Variants in ARHGEF6 observed in about 807,000 individuals in gnomAD.
The protein encoded by ARHGEF6 is Rac/Cdc42 guanine nucleotide exchange factor 6, also known as rho guanine nucleotide exchange factor 6.
Under a neutral mutation model 70.3 loss-of-function variants are expected in ARHGEF6, and 9 were observed. The ratio of observed to expected loss-of-function variants is 0.13; its 90% CI spans 0.08 to 0.22. ARHGEF6 has a LOEUF of 0.22. ARHGEF6 is among the 10% of genes least tolerant of loss of function. The pLI, the probability that ARHGEF6 is intolerant of heterozygous loss-of-function variation, is 1.00. For missense variants in ARHGEF6, 470 were observed against 563.0 expected (o/e 0.83, Z 1.67); for synonymous variants, 201 against 207.8 (o/e 0.97, Z 0.28).
chrX:136,692,526 C>T (rs1427782927), intron 9 of ARHGEF6, among the ~76,000 whole-genome samples: 1 of 112,144 alleles, frequency 8.9e-6, no homozygotes, highest in Non-Finnish European at 1.9e-5. Context: ...CTGACTCATG[C>T]TTATAAGAGA....
chrX:136,715,958 G>A (rs921369096), intron 6 of ARHGEF6, among the ~76,000 whole-genome samples: 8 of 112,259 alleles, frequency 7.1e-5, no homozygotes, highest in Non-Finnish European at 1.9e-5. Flanking sequence ...TTTGTTTTTT[G>A]AGACGCAGTT....
intron 6 of ARHGEF6, among the ~76,000 whole-genome samples, chrX:136,721,783 G>A (rs998988273): frequency 2.7e-5 from 3 of 111,138 alleles, no homozygotes; most frequent in African/African-American, 9.8e-5. Flanking sequence ...TGGGGAAGTT[G>A]GGGGAGCTGG....
At chrX:136,729,467 C>CAA (rs749398050) in intron 6 of ARHGEF6, among the ~76,000 whole-genome samples, 205 of 12,254 alleles carry the variant, frequency 0.017, 7 homozygotes, top group African/African-American at 0.022. Context: ...GACTCCATCT[C>CAA]AAAAAAAAAA....
intron 4 of ARHGEF6, among the ~76,000 whole-genome samples, chrX:136,744,427 C>T (rs1407313412): frequency 9.0e-6 from 1 of 111,519 alleles, no homozygotes; most frequent in African/African-American, 3.3e-5. Context: ...TTTTGAGGGT[C>T]ACAGACCCTT....
At chrX:136,697,832 A>T (rs911918206) in intron 9 of ARHGEF6, among the ~76,000 whole-genome samples, 1 of 112,971 alleles carries the variant, frequency 8.9e-6, no homozygotes, top group African/African-American at 3.2e-5. Flanking sequence ...TGTTCTCAAC[A>T]ACAAAAAACA....
intron 21 of ARHGEF6, 139 bp from the exon 22 acceptor site, chrX:136,668,308 G>A (rs1352963404): frequency 4.1e-6 from 3 of 734,474 alleles, no homozygotes; most frequent in Non-Finnish European, 4.0e-6. Flanking sequence ...CTATGACAAA[G>A]CAGCCTGTCG....
At chrX:136,778,810 G>C (rs1204982777) in intron 2 of ARHGEF6, among the ~76,000 whole-genome samples, 1 of 111,687 alleles carries the variant, frequency 9.0e-6, no homozygotes, top group Non-Finnish European at 1.9e-5. Flanking sequence ...CCCATGAGTT[G>C]GCTATTAGCA....
chrX:136,763,403 A>C (rs943928931), intron 2 of ARHGEF6, among the ~76,000 whole-genome samples: 1 of 112,236 alleles, frequency 8.9e-6, no homozygotes, highest in Non-Finnish European at 1.9e-5. Context: ...TCTTAGTGCA[A>C]AGATGGGATG....
At chrX:136,730,703 CT>C (rs2076926618) in intron 6 of ARHGEF6, among the ~76,000 whole-genome samples, 1 of 112,041 alleles carries the variant, frequency 8.9e-6, no homozygotes. Flanking sequence ...GCAGAATTGT[CT>C]ATTACAGCAA....
In ARHGEF6 at chrX:136,686,592, G is replaced by GTATATATA. The variant is rs1426495423; in HGVS notation, c.1246-770_1246-769insTATATATA. 8.9e-4 allele frequency among the ~76,000 whole-genome samples: 53 copies of GTATATATA among 59,668 alleles called. 1 individual carries two copies. Among genetic ancestry groups the GTATATATA allele is most frequent in the African/African-American group, 3.0e-3 (41 of 13,683 alleles). 51.8% of individuals were successfully genotyped at this position (59,668 alleles called of 115,157 possible). A position where few individuals can be genotyped will look rare whatever the true frequency, so the allele number is the denominator to read the frequency against. On this transcript the variant is annotated intron_variant, in intron 11 of 21. Coordinates refer to ENST00000250617, the MANE Select transcript of ARHGEF6 (RefSeq NM_004840.3). ...TCTATATATATGTGTGTGTATGTGT[G>GTATATATA]TGTATATATATATATATATATATAT...
At chrX:136,737,080 T>C (rs1045310954) in intron 5 of ARHGEF6, among the ~76,000 whole-genome samples, 1 of 112,064 alleles carries the variant, frequency 8.9e-6, no homozygotes, top group Non-Finnish European at 1.9e-5. Flanking sequence ...CACAGTGTTA[T>C]ATGTTTGACC....
At chrX:136,754,598 AAC>A (rs2077186711) in intron 2 of ARHGEF6, among the ~76,000 whole-genome samples, 3 of 25,805 alleles carry the variant, frequency 1.2e-4, no homozygotes, top group African/African-American at 8.6e-4. Context: ...AAAAAAAAAC[AAC>A]GAAAGAAAAG....
chrX:136,667,792 G>A lies in ARHGEF6; in HGVS notation c.*237C>T. On this transcript the variant is annotated 3_prime_UTR_variant, in exon 22 of 22. Coordinates refer to ENST00000250617, the MANE Select transcript of ARHGEF6 (RefSeq NM_004840.3). The stretch of plus-strand genomic sequence containing the variant: ...ACCACCACTTCCTGCTTTTTCACCT[G>A]TTGAAAAAAAAAATGAACAACCAAC... The A allele has an allele frequency of 2.3e-6, 1 of 426,273 alleles. No homozygotes were observed. Among genetic ancestry groups the A allele is most frequent in the Non-Finnish European group, 4.1e-6 (1 of 246,462 alleles). The allele number at this position is 426,273 out of a possible 1,213,427, so 35.1% of individuals were successfully genotyped here. A position where few individuals can be genotyped will look rare whatever the true frequency, so the allele number is the denominator to read the frequency against.
intron 6 of ARHGEF6, among the ~76,000 whole-genome samples, chrX:136,726,119 C>A (rs1051415032): frequency 5.4e-5 from 6 of 111,778 alleles, no homozygotes; most frequent in African/African-American, 9.8e-5. Flanking sequence ...TATAGGAATT[C>A]TGAGATAATT....
intron 5 of ARHGEF6, among the ~76,000 whole-genome samples, chrX:136,735,014 C>G (rs1478511420): frequency 9.0e-6 from 1 of 111,666 alleles, no homozygotes; most frequent in East Asian, 2.8e-4. Flanking sequence ...TACAAAAAAC[C>G]TACAGTTAGC....
At chrX:136,718,794 C>G (rs2076764572) in intron 6 of ARHGEF6, among the ~76,000 whole-genome samples, 1 of 109,490 alleles carries the variant, frequency 9.1e-6, no homozygotes, top group South Asian at 3.8e-4. Flanking sequence ...AAGAAATGAA[C>G]AAAGGAACAA....
intron 2 of ARHGEF6, among the ~76,000 whole-genome samples, chrX:136,752,305 G>C (rs938072384): frequency 3.6e-5 from 4 of 111,708 alleles, no homozygotes; most frequent in African/African-American, 1.3e-4. Context: ...CTTCACCTAG[G>C]AGGCACTTGG....
intron 9 of ARHGEF6, 118 bp from the exon 10 acceptor site, chrX:136,690,866 C>G: frequency 1.2e-6 from 1 of 838,864 alleles, no homozygotes; most frequent in African/African-American, 2.0e-5. Context: ...ATGTGTTTTA[C>G]TAGTCCAAAT....
intron 2 of ARHGEF6, 99 bp from the exon 3 acceptor site, chrX:136,747,691 A>AAAC: frequency 1.9e-6 from 1 of 532,933 alleles, no homozygotes; most frequent in Non-Finnish European, 3.0e-6. Flanking sequence ...CCGGAAAAAA[A>AAAC]AAAAAAAAAA....
Sources: allele counts gnomAD v4.1 joint callset (sites outside exome capture counted in the v4.1 genomes callset), GRCh38; gene constraint gnomAD v4.1.1; transcripts MANE v1.5; gene names NCBI Gene and HGNC (gene_info 2026-07-23, HGNC 2026-07-21).